Variants in RALGAPA2 observed in about 807,000 individuals in gnomAD.
RALGAPA2 encodes the protein ral GTPase-activating protein subunit alpha-2.
In RALGAPA2, 139 loss-of-function variants were observed where a neutral mutation model predicts 230.4. The observed-to-expected ratio is 0.60, with a 90% CI of 0.53 to 0.69. The LOEUF is 0.69. Among genes scored for constraint, RALGAPA2 ranks in the 30% least tolerant of loss-of-function variants. The pLI is 0.00. For synonymous variants in RALGAPA2, 847 were observed against 837.8 expected (o/e 1.01, Z -0.19); for missense variants, 2,163 against 2,276.0 (o/e 0.95, Z 1.01).
intron 23 of RALGAPA2, among the ~76,000 whole-genome samples, chr20:20,559,643 A>G (rs2064194925): frequency 6.6e-6 from 1 of 151,780 alleles, no homozygotes; most frequent in Admixed American, 6.6e-5. Context: ...ATATAACAAA[A>G]CTCATTTTAG....
chr20:20,698,860 C>A (rs2069228550), intron 1 of RALGAPA2, among the ~76,000 whole-genome samples: 1 of 152,166 alleles, frequency 6.6e-6, no homozygotes, highest in Admixed American at 6.5e-5. Flanking sequence ...TCTGTATTAA[C>A]AAATGACTTT....
chr20:20,477,610 G>A (rs1208687514), intron 36 of RALGAPA2, among the ~76,000 whole-genome samples: 4 of 152,114 alleles, frequency 2.6e-5, no homozygotes, highest in South Asian at 2.1e-4. Context: ...TTTGGAGACA[G>A]AGTCTCACTC....
intron 9 of RALGAPA2, among the ~76,000 whole-genome samples, chr20:20,633,402 TG>T (rs1407770424): frequency 2.0e-5 from 3 of 152,224 alleles, no homozygotes; most frequent in Non-Finnish European, 4.4e-5. Flanking sequence ...CCCAAAGTGC[TG>T]GGATTACAGG....
At chr20:20,441,835 C>A (rs1181609797) in intron 37 of RALGAPA2, among the ~76,000 whole-genome samples, 3 of 151,964 alleles carry the variant, frequency 2.0e-5, no homozygotes. Flanking sequence ...TTAGAGGCAG[C>A]ATCAACAGAA....
At position 20,390,982 on chromosome 20, in the gene RALGAPA2, G is replaced by C. The variant is rs1408793584; in HGVS notation, c.*2307C>G. 1 of 152,250 alleles carries C rather than the reference G, an allele frequency of 6.6e-6. No individual in the cohort carries two copies. Among genetic ancestry groups the C allele is most frequent in the Admixed American group, 6.5e-5 (1 of 15,286 alleles). The allele number at this position is 152,250 out of a possible 1,614,324, so 9.4% of individuals were successfully genotyped here. ...ACCCCAAGGTAGGGATCGCTGGTTC[G>C]TGAAAGCAAAATGAAATCATGGAGC... On this transcript the variant is annotated 3_prime_UTR_variant, in exon 40 of 40. Coordinates refer to ENST00000202677, the MANE Select transcript of RALGAPA2 (RefSeq NM_020343.4).
intron 23 of RALGAPA2, among the ~76,000 whole-genome samples, chr20:20,559,125 A>G (rs2064176900): frequency 6.6e-6 from 1 of 152,210 alleles, no homozygotes; most frequent in South Asian, 2.1e-4. Flanking sequence ...CACAAAATGC[A>G]TGCTCTCTTA....
Position 20,505,398 on chromosome 20 carries a change from T to C in RALGAPA2, c.5052+13A>G. The C allele has an allele frequency of 1.9e-6, 3 of 1,590,506 alleles. No homozygotes were observed. Among genetic ancestry groups the C allele is most frequent in the Non-Finnish European group, 2.6e-6 (3 of 1,168,646 alleles). On this transcript the variant is annotated intron_variant, in intron 34 of 39. Transcript: ENST00000202677. ...TGCTGGTCAATAAACACCTACTGAA[T>C]GAAATGCATTACCTCCCATCCAAGT...
intron 1 of RALGAPA2, among the ~76,000 whole-genome samples, chr20:20,709,294 G>A (rs1043005925): frequency 5.3e-5 from 8 of 151,922 alleles, no homozygotes. Flanking sequence ...ACTCCAGCGT[G>A]GGTAACAGAG....
intron 9 of RALGAPA2, among the ~76,000 whole-genome samples, chr20:20,631,119 C>T (rs1219478285): frequency 6.6e-6 from 1 of 152,178 alleles, no homozygotes; most frequent in Non-Finnish European, 1.5e-5. Context: ...GTTAACAATT[C>T]CCATCTCTTG....
chr20:20,555,788 G>C (rs2064067002), intron 23 of RALGAPA2, among the ~76,000 whole-genome samples: 1 of 151,972 alleles, frequency 6.6e-6, no homozygotes, highest in South Asian at 2.1e-4. Flanking sequence ...AGTTCTAGTA[G>C]GTTTCTTTTT....
intron 23 of RALGAPA2, among the ~76,000 whole-genome samples, chr20:20,555,503 G>C (rs1248341759): frequency 6.6e-6 from 1 of 152,170 alleles, no homozygotes; most frequent in African/African-American, 2.4e-5. Flanking sequence ...CTACATGTCA[G>C]TTTGGGGAGT....
At chr20:20,536,894 G>T (rs993473566) in intron 24 of RALGAPA2, 110 bp from the exon 25 acceptor site, 4 of 1,262,800 alleles carry the variant, frequency 3.2e-6, no homozygotes, top group Non-Finnish European at 4.2e-6. Flanking sequence ...AAACTTGGCC[G>T]AGTTATTCTC....
intron 36 of RALGAPA2, among the ~76,000 whole-genome samples, chr20:20,488,189 G>C (rs1431504800): frequency 6.6e-6 from 1 of 152,134 alleles, no homozygotes; most frequent in Non-Finnish European, 1.5e-5. Context: ...GACCCACACA[G>C]TTCAAACCCA....
intron 10 of RALGAPA2, among the ~76,000 whole-genome samples, chr20:20,628,978 G>C (rs535537577): frequency 2.0e-5 from 3 of 152,126 alleles, no homozygotes; most frequent in African/African-American, 7.2e-5. Flanking sequence ...AGAGAGCTCC[G>C]TGAGGCTCTG....
At chr20:20,431,924 G>T (rs1183650530) in intron 37 of RALGAPA2, among the ~76,000 whole-genome samples, 1 of 152,194 alleles carries the variant, frequency 6.6e-6, no homozygotes, top group African/African-American at 2.4e-5. Flanking sequence ...ATGCAAAGTT[G>T]AAGTAGGGGC....
chr20:20,428,015 A>C (rs1468645589), intron 37 of RALGAPA2, among the ~76,000 whole-genome samples: 1 of 152,254 alleles, frequency 6.6e-6, no homozygotes, highest in Admixed American at 6.5e-5. Context: ...GATCAGAATT[A>C]GAAATTCTCT....
intron 37 of RALGAPA2, among the ~76,000 whole-genome samples, chr20:20,418,891 A>G (rs1041825905): frequency 6.6e-6 from 1 of 152,154 alleles, no homozygotes; most frequent in Admixed American, 6.5e-5. Context: ...GACATGCGTC[A>G]CCATGCCTGG....
Position 20,643,510 on chromosome 20 carries a change from A to G in RALGAPA2, c.368T>C (p.Ile123Thr). Residue 123 changes from isoleucine to threonine, a missense_variant, in exon 5 of 40, where the codon ATT (isoleucine) becomes ACT (threonine). Transcript: ENST00000202677. ...LKKLLHTGNSIKIRCEGIRLF... is the reference protein window; with the variant it reads ...LKKLLHTGNSTKIRCEGIRLF... ...ATTACACAATAAAATAAATACCTTAATAGAATTTCCAGTGTGTAGAAGCTT... is the reference window on the plus strand; with the variant it reads ...ATTACACAATAAAATAAATACCTTAGTAGAATTTCCAGTGTGTAGAAGCTT... The G allele has an allele frequency of 6.8e-7, 1 of 1,474,040 alleles. No individual in the cohort carries two copies. The highest frequency in any genetic ancestry group is 1.3e-5 in the South Asian group (1 of 79,184). The allele number at this position is 1,474,040 out of a possible 1,614,324, so 91.3% of individuals were successfully genotyped here.
At chr20:20,550,615 A>C (rs2063897440) in intron 23 of RALGAPA2, among the ~76,000 whole-genome samples, 1 of 152,104 alleles carries the variant, frequency 6.6e-6, no homozygotes, top group African/African-American at 2.4e-5. Flanking sequence ...ACGGCCCTGC[A>C]CTCTGACGTG....
Sources: gnomAD v4.1 joint callset for allele counts (sites outside exome capture counted in the v4.1 genomes callset) on GRCh38, gnomAD v4.1.1 for gene constraint, MANE v1.5 for transcripts, NCBI Gene and HGNC (gene_info 2026-07-23, HGNC 2026-07-21) for gene names.